Variants in MOB3B observed in about 807,000 individuals in gnomAD.
The protein encoded by MOB3B is MOB kinase activator 3B.
A neutral mutation model predicts 18.7 loss-of-function variants in MOB3B; 7 were observed. The observed-to-expected ratio is 0.37, with a 90% CI of 0.21 to 0.70. The LOEUF (loss-of-function observed/expected upper bound fraction) is 0.70, where lower values mean the gene tolerates loss of function less well. Ranked by LOEUF, MOB3B falls within the 30% of genes least tolerant of loss-of-function variation. MOB3B has a pLI of 0.52. For synonymous variants in MOB3B, 111 were observed against 99.9 expected, an observed-to-expected ratio of 1.11 and a Z score of -0.66; for missense variants, 253 against 281.3, an observed-to-expected ratio of 0.90 and a Z score of 0.72.
chr9:27,422,436 T>C (rs1400255025), intron 2 of MOB3B, among the ~76,000 whole-genome samples: 1 of 152,250 alleles, frequency 6.6e-6, no homozygotes, highest in Admixed American at 6.5e-5. Flanking sequence ...GTTCCACCTC[T>C]CTAATTCTGT....
chr9:27,395,316 C>CA (rs1821783206), intron 2 of MOB3B, among the ~76,000 whole-genome samples: 1 of 152,056 alleles, frequency 6.6e-6, no homozygotes, highest in South Asian at 2.1e-4. Context: ...GTTCTCACCA[C>CA]AAAAAATGAT....
At chr9:27,338,808 A>C (rs1362793937) in intron 3 of MOB3B, among the ~76,000 whole-genome samples, 2 of 152,208 alleles carry the variant, frequency 1.3e-5, no homozygotes, top group Non-Finnish European at 2.9e-5. Context: ...TGTATGTATC[A>C]GAGGAAATAA....
rs545440464 is a variant in MOB3B, at chr9:27,384,398, G to C, written c.419-25162C>G. 2.6e-4 allele frequency among the ~76,000 whole-genome samples: 39 copies of C among 152,200 alleles called. 1 individual carries two copies. Among genetic ancestry groups the C allele is most frequent in the African/African-American group, 8.7e-4 (36 of 41,526 alleles). On this transcript the variant is annotated intron_variant, in intron 2 of 3. Transcript: ENST00000262244. ...GGCATTTGGTATTGGTTCCAGAGATGGGACTGAGGAGATCCTGTTATTTCA... is the reference window on the plus strand; with the variant it reads ...GGCATTTGGTATTGGTTCCAGAGATCGGACTGAGGAGATCCTGTTATTTCA...
intron 1 of MOB3B, among the ~76,000 whole-genome samples, chr9:27,522,420 C>CATAT (rs66472709): frequency 0.013 from 1,889 of 141,326 alleles, 44 homozygotes; most frequent in African/African-American, 0.042. Context: ...GACATTTTTT[C>CATAT]ATATATATAT....
chr9:27,514,314 G>T (rs1411607662), intron 1 of MOB3B, among the ~76,000 whole-genome samples: 6 of 77,656 alleles, frequency 7.7e-5, no homozygotes, highest in African/African-American at 3.1e-4. Context: ...AGAAAATAAA[G>T]TCAACTCAAC....
intron 1 of MOB3B, among the ~76,000 whole-genome samples, chr9:27,463,018 G>A (rs1819317890): frequency 6.6e-6 from 1 of 152,204 alleles, no homozygotes; most frequent in African/African-American, 2.4e-5. Flanking sequence ...AGCTTTTGCA[G>A]GGTTGCTGCA....
In MOB3B at chr9:27,373,354, T is replaced by C. The variant is rs573601392; in HGVS notation, c.419-14118A>G. The stretch of plus-strand genomic sequence containing the variant: ...GATACAACTCCCACTATACACCCTT[T>C]GTTTGTTCATTAACTAATTTAATAG... On this transcript the variant is annotated intron_variant, in intron 2 of 3. Coordinates refer to ENST00000262244, the MANE Select transcript of MOB3B (RefSeq NM_024761.5). 2.0e-5 allele frequency among the ~76,000 whole-genome samples: 3 copies of C among 152,364 alleles called. No individual in the cohort carries two copies. In the South Asian group the frequency reaches 6.2e-4, roughly 32 times the overall value.
chr9:27,368,785 T>C (rs924937990), intron 2 of MOB3B, among the ~76,000 whole-genome samples: 4 of 152,186 alleles, frequency 2.6e-5, no homozygotes, highest in African/African-American at 9.6e-5. Context: ...AGACATGCCA[T>C]GTGCTGGGCA....
intron 3 of MOB3B, among the ~76,000 whole-genome samples, chr9:27,330,958 G>A (rs568213217): frequency 6.6e-6 from 1 of 152,252 alleles, no homozygotes; most frequent in East Asian, 1.9e-4. Flanking sequence ...GTTTGCCCCA[G>A]TCCTTGCCAC....
intron 1 of MOB3B, among the ~76,000 whole-genome samples, chr9:27,459,843 C>T (rs939209524): frequency 1.6e-5 from 2 of 124,352 alleles, no homozygotes; most frequent in African/African-American, 3.1e-5. Context: ...CTAGCAACAA[C>T]ACAGTGGTTA....
At chr9:27,418,681 T>A (rs1029857012) in intron 2 of MOB3B, among the ~76,000 whole-genome samples, 2 of 152,186 alleles carry the variant, frequency 1.3e-5, no homozygotes, top group Non-Finnish European at 2.9e-5. Context: ...AAGGGATATA[T>A]CTTAATGTAA....
chr9:27,353,430 CGT>C (rs142240060), intron 3 of MOB3B, among the ~76,000 whole-genome samples: 6 of 151,766 alleles, frequency 4.0e-5, no homozygotes, highest in African/African-American at 1.2e-4. Context: ...TTCTGATGCA[CGT>C]GTGTGTGTGT....
At chr9:27,474,865 C>T (rs192503947) in intron 1 of MOB3B, among the ~76,000 whole-genome samples, 2 of 152,298 alleles carry the variant, frequency 1.3e-5, no homozygotes, top group African/African-American at 2.4e-5. Flanking sequence ...TCTATCAAAA[C>T]ACAAATGTAT....
intron 1 of MOB3B, among the ~76,000 whole-genome samples, chr9:27,481,717 G>C (rs905095270): frequency 4.6e-5 from 7 of 151,816 alleles, no homozygotes; most frequent in African/African-American, 1.7e-4. Flanking sequence ...AGTAGAGATG[G>C]GGTTTCACTG....
intron 1 of MOB3B, among the ~76,000 whole-genome samples, chr9:27,523,464 C>CAAAAAAAAAAAAAAAAAAAAA (rs55637136): frequency 7.0e-4 from 99 of 141,586 alleles, no homozygotes; most frequent in South Asian, 1.4e-3. Flanking sequence ...TAAACTGCAC[C>CAAAAAAAAAAAAAAAAAAAAA]AAAAAAAAAA....
intron 2 of MOB3B, among the ~76,000 whole-genome samples, chr9:27,419,269 A>C (rs10115374): frequency 0.41 from 62,668 of 151,866 alleles, 13,278 homozygotes; most frequent in African/African-American, 0.49. Context: ...TCCCATCAAG[A>C]TACCACCATC....
In MOB3B at chr9:27,454,431, T is replaced by G. The variant is rs531593168; in HGVS notation, c.418+702A>C. ...CAGCCTACGGCATAAAACACTAAAT[T>G]CTAAATTCAGTCTGAAAGTGCATGG... On this transcript the variant is annotated intron_variant, in intron 2 of 3. Transcript: ENST00000262244. 9.1e-4 allele frequency among the ~76,000 whole-genome samples: 139 copies of G among 152,270 alleles called. 1 individual carries two copies. Among genetic ancestry groups the G allele is most frequent in the African/African-American group, 3.2e-3 (131 of 41,546 alleles).
At position 27,356,711 on chromosome 9, in the gene MOB3B, A is replaced by C. The variant is rs149954757; in HGVS notation, c.621+2323T>G. Reference sequence around the variant, plus strand: ...GTTATTTTCCATTGACCTGAACATGACTATAGAAGAGAACTGAACTGAAAC... The same window carrying C: ...GTTATTTTCCATTGACCTGAACATGCCTATAGAAGAGAACTGAACTGAAAC... On this transcript the variant is annotated intron_variant, in intron 3 of 3. Coordinates refer to ENST00000262244, the MANE Select transcript of MOB3B (RefSeq NM_024761.5). 5.6e-3 allele frequency among the ~76,000 whole-genome samples: 860 copies of C among 152,224 alleles called. 6 individuals are homozygous for C. Among genetic ancestry groups the C allele is most frequent in the Admixed American group, 9.7e-3 (149 of 15,292 alleles).
intron 1 of MOB3B, among the ~76,000 whole-genome samples, chr9:27,528,488 G>T (rs553118987): frequency 6.6e-6 from 1 of 152,220 alleles, no homozygotes; most frequent in Admixed American, 6.5e-5. Flanking sequence ...CAGCGGAGGC[G>T]GGGAAGGAAC....
Sources: allele counts gnomAD v4.1 joint callset (sites outside exome capture counted in the v4.1 genomes callset), GRCh38; gene constraint gnomAD v4.1.1; transcripts MANE v1.5; gene names NCBI Gene and HGNC (gene_info 2026-07-23, HGNC 2026-07-21).